Variants in MROH7 observed in about 807,000 individuals in gnomAD.
MROH7 encodes maestro heat-like repeat-containing protein family member 7.
Under a neutral mutation model 129.2 loss-of-function variants are expected in MROH7, and 113 were observed. That is an observed-to-expected ratio of 0.87 (90% CI 0.75 to 1.02). The LOEUF (loss-of-function observed/expected upper bound fraction) is 1.02, where lower values mean the gene tolerates loss of function less well. MROH7 is among the 50% of genes least tolerant of loss of function. MROH7 has a pLI of 0.00. For synonymous variants in MROH7, 655 were observed against 667.9 expected (o/e 0.98, Z 0.30); for missense variants, 1,601 against 1,671.3 (o/e 0.96, Z 0.73).
intron 6 of MROH7, 95 bp downstream of exon 6, chr1:54,670,671 GC>G: frequency 2.0e-5 from 7 of 341,884 alleles, no homozygotes; most frequent in Non-Finnish European, 3.2e-5. Context: ...CCCCCAACCC[GC>G]CCCCACCCCT....
Position 54,653,014 on chromosome 1 carries a change from G to C in MROH7, c.88G>C (p.Gly30Arg), listed in dbSNP as rs763092895. Residue 30 changes from glycine to arginine, a missense_variant, in exon 3 of 24, where the codon GGG (glycine) becomes CGG (arginine). Transcript: ENST00000421030. The part of the protein sequence containing the change: ...SPPSCGAPGL[G>R]SGTIPQPHPD... ...CCCCTCCTGTGGGGCCCCGGGATTA[G>C]GGTCTGGTACCATCCCTCAGCCCCA... The C allele has an allele frequency of 1.2e-6, 2 of 1,614,134 alleles. No individual in the cohort carries two copies.
intron 3 of MROH7, among the ~76,000 whole-genome samples, chr1:54,661,357 C>A (rs972356999): frequency 2.6e-5 from 4 of 151,886 alleles, no homozygotes; most frequent in African/African-American, 9.7e-5. Flanking sequence ...GGATTACAGG[C>A]ATGTGCCACC....
At chr1:54,701,366 G>T (rs1645433614) in intron 19 of MROH7, 44 bp downstream of exon 19, 2 of 1,487,470 alleles carry the variant, frequency 1.3e-6, no homozygotes, top group South Asian at 2.8e-5. Context: ...ATCGAGAAGG[G>T]GGTCTTTTAC....
intron 22 of MROH7, among the ~76,000 whole-genome samples, chr1:54,707,571 C>G (rs1645555619): frequency 6.6e-6 from 1 of 152,102 alleles, no homozygotes; most frequent in Non-Finnish European, 1.5e-5. Flanking sequence ...GGAGGAATCC[C>G]TTAGAATGTG....
Position 54,653,678 on chromosome 1 carries a change from C to A in MROH7, c.752C>A (p.Ala251Asp). ...GACACAAATGAGACCATCACTTTGG[C>A]TTCACATAATATCTCTGAGTCTGTT... is the stretch of plus-strand genomic sequence containing the variant. ...IPDTNETITLASHNISESVSK... is the reference protein window; with the variant it reads ...IPDTNETITLDSHNISESVSK... Residue 251 changes from alanine (A) to aspartate (D), a missense_variant, in exon 3 of 24, where the codon GCT becomes GAT. Ala to Asp is a moderately radical substitution (Grantham distance 126). Coordinates refer to ENST00000421030, the MANE Select transcript of MROH7 (RefSeq NM_001039464.4). The A allele has an allele frequency of 4.3e-6, 7 of 1,614,178 alleles. No individual in the cohort carries two copies. The highest frequency in any genetic ancestry group is 5.9e-6 in the Non-Finnish European group (7 of 1,180,014).
intron 3 of MROH7, among the ~76,000 whole-genome samples, chr1:54,654,952 A>T (rs2101070387): frequency 6.6e-6 from 1 of 151,176 alleles, no homozygotes; most frequent in East Asian, 1.9e-4. Context: ...CCAATACTAT[A>T]TTAAGATTTT....
rs142761369 is a variant in MROH7 at position 54,688,000 on chromosome 1, G to A, written c.2711+1552G>A. 6.0e-3 allele frequency among the ~76,000 whole-genome samples: 901 copies of A among 148,960 alleles called. 11 individuals are homozygous for A. Among genetic ancestry groups the A allele is most frequent in the African/African-American group, 0.021 (867 of 40,512 alleles). ...CCTCTCGCTTGAGCCTGACTTCATC[G>A]CTTGAAGTCAGGAGTTCAAGACCAG... On this transcript the variant is annotated intron_variant, in intron 15 of 23. Transcript: ENST00000421030.
intron 3 of MROH7, among the ~76,000 whole-genome samples, chr1:54,656,856 T>C (rs1259323743): frequency 6.6e-6 from 1 of 151,908 alleles, no homozygotes; most frequent in Non-Finnish European, 1.5e-5. Flanking sequence ...GTTTCTTTTT[T>C]TCCAGTTTTT....
intron 14 of MROH7, among the ~76,000 whole-genome samples, chr1:54,683,497 C>T (rs1279234877): frequency 6.6e-6 from 1 of 152,182 alleles, no homozygotes; most frequent in Non-Finnish European, 1.5e-5. Flanking sequence ...ATACCCCTGC[C>T]TACCTTCCTG....
intron 21 of MROH7, 42 bp from the exon 22 acceptor site, chr1:54,706,393 C>G (rs1327455416): frequency 3.4e-6 from 5 of 1,466,208 alleles, no homozygotes; most frequent in Middle Eastern, 1.8e-4. Context: ...GCAATTGGTT[C>G]CTCTGAGAGG....
At position 54,674,159 on chromosome 1, in the gene MROH7, C is replaced by A; in HGVS notation, c.1936+8C>A. 1 of 1,610,844 alleles carries A rather than the reference C, an allele frequency of 6.2e-7. No individual in the cohort carries two copies. Among genetic ancestry groups the A allele is most frequent in the Non-Finnish European group, 8.5e-7 (1 of 1,178,822 alleles). On this transcript the variant is annotated splice_region_variant and intron_variant, in intron 10 of 23. Coordinates refer to ENST00000421030, the MANE Select transcript of MROH7 (RefSeq NM_001039464.4). ...TTCTGGAGCTCCAAAAACGTAAGCCCTATCGGAGTACTTCTGAAGGAAGTC... is the reference window on the plus strand; with the variant it reads ...TTCTGGAGCTCCAAAAACGTAAGCCATATCGGAGTACTTCTGAAGGAAGTC...
intron 4 of MROH7, among the ~76,000 whole-genome samples, chr1:54,668,510 G>A (rs1207422070): frequency 1.3e-5 from 2 of 152,114 alleles, no homozygotes; most frequent in Non-Finnish European, 2.9e-5. Flanking sequence ...TGTATGTACT[G>A]GGAGACCCAT....
chr1:54,675,816 T>A (rs2101120653), intron 10 of MROH7, among the ~76,000 whole-genome samples: 1 of 150,866 alleles, frequency 6.6e-6, no homozygotes, highest in East Asian at 2.0e-4. Flanking sequence ...CTACCAAAAA[T>A]ACAAAAAAAA....
At chr1:54,662,710 A>G (rs1295805499) in intron 3 of MROH7, among the ~76,000 whole-genome samples, 14 of 152,166 alleles carry the variant, frequency 9.2e-5, no homozygotes, top group Admixed American at 9.2e-4. Context: ...CAGCTACCAT[A>G]TAATCCTCAG....
At chr1:54,707,332 A>AT (rs1446837219) in intron 22 of MROH7, among the ~76,000 whole-genome samples, 5 of 152,076 alleles carry the variant, frequency 3.3e-5, no homozygotes, top group Non-Finnish European at 7.4e-5. Context: ...GTGAAGTGAT[A>AT]TTTTTTAGTA....
intron 18 of MROH7, 73 bp downstream of exon 18, chr1:54,700,534 T>C (rs1645418824): frequency 4.8e-6 from 7 of 1,451,894 alleles, no homozygotes; most frequent in African/African-American, 1.4e-5. Context: ...TTCACCATTA[T>C]AGTACCTCAG....
intron 3 of MROH7, among the ~76,000 whole-genome samples, chr1:54,654,665 C>A (rs1644613517): frequency 7.0e-6 from 1 of 142,500 alleles, no homozygotes; most frequent in Non-Finnish European, 1.5e-5. Context: ...AAGAGCAAAA[C>A]TCCGTCTCAA....
rs182771295 is a variant in MROH7 at position 54,689,394 on chromosome 1, C to T, written c.2711+2946C>T. Among the ~76,000 whole-genome samples the T allele has an allele frequency of 3.9e-3, 599 of 152,192 alleles. 3 individuals carry two copies. The highest frequency in any genetic ancestry group is 3.9e-3 in the Non-Finnish European group (264 of 67,992). On this transcript the variant is annotated intron_variant, in intron 15 of 23. Coordinates refer to ENST00000421030, the MANE Select transcript of MROH7 (RefSeq NM_001039464.4). Reference sequence around the variant, plus strand: ...TTTGGATATCTGGCCTCTAGAACTGCGAAAAAATATATTTCTGTTGTTTTG... The same window carrying T: ...TTTGGATATCTGGCCTCTAGAACTGTGAAAAAATATATTTCTGTTGTTTTG...
chr1:54,666,221 G>A (rs898979975), intron 4 of MROH7, among the ~76,000 whole-genome samples: 6 of 152,052 alleles, frequency 3.9e-5, no homozygotes, highest in African/African-American at 7.2e-5. Context: ...ATCCTCTGAA[G>A]GTCTGCTGAA....
Sources: gnomAD v4.1 joint callset for allele counts (sites outside exome capture counted in the v4.1 genomes callset) on GRCh38, gnomAD v4.1.1 for gene constraint, MANE v1.5 for transcripts, NCBI Gene and HGNC (gene_info 2026-07-23, HGNC 2026-07-21) for gene names.